Variants in GAK observed in about 807,000 individuals in gnomAD.
GAK encodes cyclin G associated kinase.
GAK carries 79 observed loss-of-function variants against 143.9 expected under a neutral mutation model. That is an observed-to-expected ratio of 0.55 (90% CI 0.46 to 0.66). GAK has a LOEUF of 0.66. Ranked by LOEUF, GAK falls within the 30% of genes least tolerant of loss-of-function variation. The pLI is 0.00. For synonymous variants in GAK, 881 were observed against 765.5 expected (o/e 1.15, Z -2.49); for missense variants, 1,693 against 1,779.7 (o/e 0.95, Z 0.88).
At chr4:924,393 T>G (rs1021981244) in intron 1 of GAK, among the ~76,000 whole-genome samples, 1 of 152,136 alleles carries the variant, frequency 6.6e-6, no homozygotes, top group African/African-American at 2.4e-5. Context: ...GGTTTGGTTG[T>G]TTCATGTGAA....
At chr4:885,927 CA>C (rs1249864120) in intron 11 of GAK, 1 of 152,238 alleles carries the variant, frequency 6.6e-6, no homozygotes, top group Non-Finnish European at 1.5e-5. Flanking sequence ...CCACCTCGCC[CA>C]GCTAATTTTT....
At chr4:866,848 C>G (rs1751276964) in intron 21 of GAK, 108 bp downstream of exon 21, 1 of 869,368 alleles carries the variant, frequency 1.2e-6, no homozygotes, top group Non-Finnish European at 1.8e-6. Context: ...GGGAAGGGCA[C>G]GTTCCCTTCC....
chr4:888,814 G>A (rs754029120), intron 11 of GAK, 33 bp downstream of exon 11: 29 of 1,582,942 alleles, frequency 1.8e-5, no homozygotes, highest in African/African-American at 1.1e-4. Context: ...ACGAGCGTGC[G>A]GCAGGTCCAG....
intron 5 of GAK, among the ~76,000 whole-genome samples, chr4:904,377 C>T (rs879042498): frequency 3.9e-4 from 49 of 125,716 alleles, no homozygotes; most frequent in South Asian, 8.8e-4. Flanking sequence ...CCTTGGCAGC[C>T]GCGTGTGGAG....
intron 11 of GAK, chr4:885,892 G>A (rs1371979956): frequency 6.6e-6 from 1 of 152,338 alleles, no homozygotes; most frequent in Non-Finnish European, 1.5e-5. Context: ...TCAGGCCCCA[G>A]TGTAGCTGGG....
At position 851,093 on chromosome 4, in the gene GAK, G is replaced by A. The variant is rs778916468; in HGVS notation, c.3509-9C>T. ...GACTTTTGGCTTTTGAGCTAGAAAA[G>A]AACAGAAACTTTTTTTTGTTTGAGA... On this transcript the variant is annotated splice_polypyrimidine_tract_variant and intron_variant, in intron 25 of 27. Transcript: ENST00000314167. The A allele has an allele frequency of 3.7e-6, 6 of 1,611,922 alleles. No homozygotes were observed. In the South Asian group the frequency reaches 6.6e-5, roughly 18 times the overall value.
At chr4:897,267 G>A (rs1049327673) in intron 6 of GAK, among the ~76,000 whole-genome samples, 1 of 152,208 alleles carries the variant, frequency 6.6e-6, no homozygotes, top group Admixed American at 6.5e-5. Context: ...ACGGCCTTGG[G>A]CAGGCCACAA....
chr4:918,927 C>T (rs374906968), intron 1 of GAK, among the ~76,000 whole-genome samples: 1 of 104,390 alleles, frequency 9.6e-6, no homozygotes, highest in African/African-American at 3.3e-5. Flanking sequence ...GCTCCAAAGG[C>T]CTCAGTGCCC....
chr4:901,813 C>T (rs1030543385), intron 5 of GAK, among the ~76,000 whole-genome samples: 11 of 152,232 alleles, frequency 7.2e-5, no homozygotes, highest in African/African-American at 1.4e-4. Context: ...TGGCCAGAGG[C>T]GCCGCTCCCG....
intron 13 of GAK, 32 bp from the exon 14 acceptor site, chr4:882,851 C>T: frequency 1.9e-6 from 3 of 1,598,732 alleles, no homozygotes; most frequent in Non-Finnish European, 2.6e-6. Flanking sequence ...GCACGGACGG[C>T]AGAGGAGCCC....
intron 2 of GAK, 141 bp downstream of exon 2, chr4:913,466 G>C: frequency 1.5e-6 from 1 of 684,986 alleles, no homozygotes; most frequent in Non-Finnish European, 2.6e-6. Context: ...CTGAGATTCA[G>C]CAGAAGCAAA....
intron 8 of GAK, 91 bp from the exon 9 acceptor site, chr4:893,580 C>T: frequency 2.2e-6 from 2 of 901,200 alleles, no homozygotes; most frequent in Non-Finnish European, 3.2e-6. Context: ...CACCAGAGGC[C>T]ACTCCCTCTA....
chr4:903,033 C>T lies in GAK; in HGVS notation c.525+1604G>A, dbSNP rs150398263. ...GGCAGCTCAGGGCATGGACAGCCCACGGGGCAGGAGTGTCCTCTGTGGGGC... is the reference window on the plus strand; with the variant it reads ...GGCAGCTCAGGGCATGGACAGCCCATGGGGCAGGAGTGTCCTCTGTGGGGC... On this transcript the variant is annotated intron_variant, in intron 5 of 27. Transcript: ENST00000314167. Among the ~76,000 whole-genome samples, 39 of 152,336 alleles carry T rather than the reference C, an allele frequency of 2.6e-4. No individual in the cohort carries two copies. In the East Asian group the frequency reaches 3.5e-3, roughly 14 times the overall value.
intron 18 of GAK, among the ~76,000 whole-genome samples, chr4:871,289 C>T (rs1712562629): frequency 6.6e-6 from 1 of 152,240 alleles, no homozygotes; most frequent in South Asian, 2.1e-4. Context: ...CAGCTGGAGA[C>T]TCCGGCACCC....
intron 18 of GAK, among the ~76,000 whole-genome samples, chr4:873,392 A>C (rs1713123852): frequency 6.6e-6 from 1 of 152,014 alleles, no homozygotes; most frequent in Non-Finnish European, 1.5e-5. Flanking sequence ...TTGCTGTATG[A>C]CCCAACGTGG....
intron 24 of GAK, chr4:852,318 G>A (rs966614700): frequency 5.5e-6 from 2 of 365,502 alleles, no homozygotes; most frequent in East Asian, 1.1e-4. Flanking sequence ...AGGAGCCAAG[G>A]CAGACCCGGG....
rs564031213 is a variant in GAK, at chr4:926,157, G to A, written c.145+5886C>T. ...CCGAACGTCTAATTCACCCCAGGGG[G>A]TCCTCCCTCGACAGTGACCTCCCCC... On this transcript the variant is annotated intron_variant, in intron 1 of 27. Transcript: ENST00000314167. Among the ~76,000 whole-genome samples the A allele has an allele frequency of 4.6e-5, 7 of 152,146 alleles. No homozygotes were observed. The South Asian group carries it at 1.0e-3, about 23-fold the overall frequency.
intron 2 of GAK, among the ~76,000 whole-genome samples, chr4:913,071 G>A (rs1199677734): frequency 6.6e-6 from 1 of 152,234 alleles, no homozygotes; most frequent in Non-Finnish European, 1.5e-5. Context: ...AGAAGGAAGA[G>A]CGGCAATGCT....
chr4:856,583 C>CAGGTGCTCACAGCTGCT (rs1272608930), intron 24 of GAK, among the ~76,000 whole-genome samples: 1 of 73,450 alleles, frequency 1.4e-5, no homozygotes, highest in Non-Finnish European at 2.8e-5. Context: ...CAGCTGCTCA[C>CAGGTGCTCACAGCTGCT]CACCACAGGT....
Sources: gnomAD v4.1 joint callset for allele counts (sites outside exome capture counted in the v4.1 genomes callset) on GRCh38, gnomAD v4.1.1 for gene constraint, MANE v1.5 for transcripts, NCBI Gene and HGNC (gene_info 2026-07-23, HGNC 2026-07-21) for gene names.